Variants in IRAG1 observed in about 807,000 individuals in gnomAD.
IRAG1 encodes the protein inositol 1,4,5-triphosphate receptor associated 1.
IRAG1 carries 62 observed loss-of-function variants against 106.2 expected under a neutral mutation model. That is an observed-to-expected ratio of 0.58 (90% CI 0.48 to 0.72). The LOEUF (loss-of-function observed/expected upper bound fraction) is 0.72, where lower values mean the gene tolerates loss of function less well. IRAG1 is among the 30% of genes least tolerant of loss of function. IRAG1 has a pLI of 0.00. For missense variants in IRAG1, 1,064 were observed against 1,140.7 expected (o/e 0.93, Z 0.97); for synonymous variants, 462 against 443.9 (o/e 1.04, Z -0.51).
At chr11:10,607,699 C>T (rs1854593033) in intron 11 of IRAG1, among the ~76,000 whole-genome samples, 1 of 152,186 alleles carries the variant, frequency 6.6e-6, no homozygotes, top group African/African-American at 2.4e-5. Context: ...ACAGCTTCCT[C>T]TCTTGAACGG....
intron 10 of IRAG1, among the ~76,000 whole-genome samples, chr11:10,623,509 G>A (rs1855995129): frequency 6.6e-6 from 1 of 152,202 alleles, no homozygotes; most frequent in Admixed American, 6.5e-5. Flanking sequence ...AAAAGGAAGT[G>A]TCAAAAGTTC....
At chr11:10,601,206 T>C (rs746741308) in intron 14 of IRAG1, 147 bp from the exon 15 acceptor site, 23 of 1,154,426 alleles carry the variant, frequency 2.0e-5, no homozygotes, top group African/African-American at 3.1e-5. Context: ...CTGTCTGCCA[T>C]GTGAGCTGAG....
intron 18 of IRAG1, among the ~76,000 whole-genome samples, chr11:10,587,894 A>G (rs1306440446): frequency 6.6e-6 from 1 of 152,220 alleles, no homozygotes; most frequent in Non-Finnish European, 1.5e-5. Context: ...TCTGCTATCT[A>G]CCAGCTGTGT....
chr11:10,629,451 G>T, intron 5 of IRAG1, 87 bp downstream of exon 5: 1 of 1,433,828 alleles, frequency 7.0e-7, no homozygotes, highest in Admixed American at 2.2e-5. Flanking sequence ...CCTCGGAGGT[G>T]AGGCGCCCAC....
At chr11:10,652,380 C>T (rs1280570945) in intron 1 of IRAG1, 198 bp from the exon 2 acceptor site, 2 of 1,396,872 alleles carry the variant, frequency 1.4e-6, no homozygotes, top group Non-Finnish European at 1.9e-6. Context: ...TCAGAGGTGA[C>T]CTTAGAGATT....
chr11:10,637,291 G>A (rs1166414028), intron 2 of IRAG1, among the ~76,000 whole-genome samples: 6 of 152,160 alleles, frequency 3.9e-5, no homozygotes, highest in Admixed American at 1.3e-4. Context: ...AAGTCAGCAC[G>A]TGCTTGTGGC....
intron 2 of IRAG1, among the ~76,000 whole-genome samples, chr11:10,651,745 G>A (rs1233788050): frequency 6.6e-6 from 1 of 152,222 alleles, no homozygotes; most frequent in Non-Finnish European, 1.5e-5. Flanking sequence ...CGGTTTCAGA[G>A]GGAGCCTGCA....
At chr11:10,652,241 TCCATTTCCCGGA>T in intron 1 of IRAG1, 59 bp from the exon 2 acceptor site, 1 of 1,593,662 alleles carries the variant, frequency 6.3e-7, no homozygotes, top group Non-Finnish European at 8.6e-7. Flanking sequence ...CAAGCTGGGT[TCCATTTCCCGGA>T]GCCACAAGCC....
chr11:10,671,426 G>A (rs1448121891), intron 1 of IRAG1, among the ~76,000 whole-genome samples: 1 of 152,114 alleles, frequency 6.6e-6, no homozygotes, highest in Non-Finnish European at 1.5e-5. Flanking sequence ...TACACCCAAC[G>A]GCTGGCCGGG....
chr11:10,686,612 G>A (rs942835522), intron 1 of IRAG1, among the ~76,000 whole-genome samples: 1 of 152,158 alleles, frequency 6.6e-6, no homozygotes, highest in Non-Finnish European at 1.5e-5. Flanking sequence ...GACCTCCAGG[G>A]CTTTGTTCTT....
At chr11:10,682,608 G>A (rs1404123812) in intron 1 of IRAG1, among the ~76,000 whole-genome samples, 1 of 152,048 alleles carries the variant, frequency 6.6e-6, no homozygotes, top group African/African-American at 2.4e-5. Flanking sequence ...TATTAACAAG[G>A]TTTAAAAAAA....
At chr11:10,635,900 T>TTGGG (rs1182342471) in intron 2 of IRAG1, among the ~76,000 whole-genome samples, 7,024 of 152,196 alleles carry the variant, frequency 0.046, 500 homozygotes, top group African/African-American at 0.15. Flanking sequence ...TGTGTTCTTA[T>TTGGG]CCGGGAGCGA....
At chr11:10,683,375 A>G (rs1022640263) in intron 1 of IRAG1, among the ~76,000 whole-genome samples, 10 of 152,122 alleles carry the variant, frequency 6.6e-5, no homozygotes, top group African/African-American at 2.4e-4. Flanking sequence ...AAAAAAAAAA[A>G]AGTACAATGA....
At chr11:10,585,852 T>C (rs1851907343) in intron 18 of IRAG1, among the ~76,000 whole-genome samples, 1 of 152,206 alleles carries the variant, frequency 6.6e-6, no homozygotes, top group Admixed American at 6.5e-5. Flanking sequence ...ACTCTCACCT[T>C]GGTCTTCTAC....
chr11:10,592,205 C>T (rs77305864), intron 17 of IRAG1, among the ~76,000 whole-genome samples: 2,306 of 152,192 alleles, frequency 0.015, 58 homozygotes, highest in African/African-American at 0.053. Context: ...AAAAAAGTAT[C>T]GATCCACTCC....
intron 15 of IRAG1, among the ~76,000 whole-genome samples, chr11:10,595,220 T>C (rs1216087660): frequency 6.6e-6 from 1 of 152,132 alleles, no homozygotes; most frequent in Non-Finnish European, 1.5e-5. Context: ...CCACCACACC[T>C]GGCCTGTTTT....
intron 10 of IRAG1, among the ~76,000 whole-genome samples, chr11:10,612,124 G>A (rs540151094): frequency 4.6e-4 from 70 of 152,256 alleles, no homozygotes; most frequent in African/African-American, 1.5e-3. Flanking sequence ...GTTCTCCCCC[G>A]ACTCCTGAAA....
intron 4 of IRAG1, 27 bp downstream of exon 4, chr11:10,631,964 C>T (rs752014718): frequency 1.9e-6 from 3 of 1,605,374 alleles, no homozygotes; most frequent in Non-Finnish European, 2.6e-6. Context: ...TTCTACTCAA[C>T]ATGCCTTAGA....
intron 2 of IRAG1, among the ~76,000 whole-genome samples, chr11:10,640,893 T>A (rs2134756826): frequency 6.6e-6 from 1 of 152,382 alleles, no homozygotes; most frequent in South Asian, 2.1e-4. Flanking sequence ...AATGGAACTA[T>A]CTCACAGGGT....
Sources: allele counts gnomAD v4.1 joint callset (sites outside exome capture counted in the v4.1 genomes callset), GRCh38; gene constraint gnomAD v4.1.1; transcripts MANE v1.5; gene names NCBI Gene and HGNC (gene_info 2026-07-23, HGNC 2026-07-21).